CRTAM: variants seen among roughly 807,000 people sequenced by gnomAD.
CRTAM encodes the protein cytotoxic and regulatory T cell molecule, also known as cytotoxic and regulatory T-cell molecule.
A neutral mutation model predicts 50.0 loss-of-function variants in CRTAM; 44 were observed. The observed-to-expected ratio is 0.88, with a 90% CI of 0.69 to 1.13. The LOEUF is 1.13. CRTAM is among the 50% of genes most tolerant of loss of function. The probability of loss-of-function intolerance (pLI) is 0.00; values close to 1 mark genes in which losing one functional copy is unlikely to be tolerated. For synonymous variants in CRTAM, 159 were observed against 169.3 expected (o/e 0.94, Z 0.47); for missense variants, 448 against 457.5 (o/e 0.98, Z 0.19).
chr11:122,856,679 G>C (rs748307634), intron 5 of CRTAM, among the ~76,000 whole-genome samples: 1 of 152,220 alleles, frequency 6.6e-6, no homozygotes, highest in Non-Finnish European at 1.5e-5. Flanking sequence ...AGACGAAATC[G>C]CTGATGCTGA....
At chr11:122,859,218 C>T (rs768038719) in intron 5 of CRTAM, among the ~76,000 whole-genome samples, 3 of 152,228 alleles carry the variant, frequency 2.0e-5, no homozygotes, top group Middle Eastern at 3.4e-3. Flanking sequence ...CAGTGATTCT[C>T]CTGCCTCAGA....
At chr11:122,857,404 G>A (rs1262816585) in intron 5 of CRTAM, among the ~76,000 whole-genome samples, 1 of 152,250 alleles carries the variant, frequency 6.6e-6, no homozygotes, top group Non-Finnish European at 1.5e-5. Flanking sequence ...GAGAGGCGGA[G>A]TTTACAGTAA....
intron 4 of CRTAM, among the ~76,000 whole-genome samples, chr11:122,854,685 T>C (rs1007825046): frequency 7.3e-5 from 11 of 150,944 alleles, no homozygotes; most frequent in Admixed American, 6.0e-4. Flanking sequence ...AGAAGAAGTA[T>C]AATATCTGTG....
intron 3 of CRTAM, among the ~76,000 whole-genome samples, chr11:122,853,486 T>C (rs1487201916): frequency 6.6e-6 from 1 of 152,064 alleles, no homozygotes; most frequent in Non-Finnish European, 1.5e-5. Flanking sequence ...TGCAAGCACA[T>C]GAAAGCCCTT....
intron 1 of CRTAM, among the ~76,000 whole-genome samples, chr11:122,847,660 T>C (rs1222072323): frequency 3.9e-5 from 6 of 152,088 alleles, no homozygotes; most frequent in African/African-American, 1.4e-4. Context: ...CAAGTGAATG[T>C]CCCCCTATGC....
rs199952171 is a variant in CRTAM, at chr11:122,850,030, C to G, written c.47-38C>G. On this transcript the variant is annotated intron_variant, in intron 1 of 9. Coordinates refer to ENST00000227348, the MANE Select transcript of CRTAM (RefSeq NM_019604.4). ...GACAAAATCCCTGAGACACTGTGGA[C>G]CCCCGGCCTGATCATCCCCATTTCT... 1.4e-4 allele frequency: 216 copies of G among 1,544,808 alleles called. 2 individuals carry two copies. Among genetic ancestry groups the G allele is most frequent in the Non-Finnish European group, 2.5e-5 (28 of 1,138,082 alleles).
rs1862191797 is a variant in CRTAM at position 122,867,421 on chromosome 11, AG to A, written c.831del (p.Gln277HisfsTer3). The A allele has an allele frequency of 1.2e-6, 2 of 1,612,366 alleles. No homozygotes were observed. Among genetic ancestry groups the A allele is most frequent in the East Asian group, 2.2e-5 (1 of 44,844 alleles). ...ATTTTCCTTATAGAAGCAAATCCTC[AG>A]TATTTAGGACTGGCAAGAAAGAAAA... Reference protein sequence around the residue: ...DPDLTTEANPQYLGLARKKSG... With the variant: ...DPDLTTEANPXYLGLARKKSG... On this transcript the variant is annotated frameshift_variant, in exon 8 of 10. Transcript: ENST00000227348. LOFTEE classifies it high-confidence loss of function.
In CRTAM at chr11:122,850,088, A is replaced by G. The variant is rs1034850451; in HGVS notation, c.67A>G (p.Thr23Ala). The G allele has an allele frequency of 6.2e-7, 1 of 1,611,954 alleles. No individual in the cohort carries two copies. Among genetic ancestry groups the G allele is most frequent in the African/African-American group, 1.3e-5 (1 of 74,832 alleles). The change falls in exon 2 of 10, where the codon ACA (threonine) becomes GCA (alanine). Residue 23 changes from threonine (T) to alanine (A), a missense_variant. By Grantham distance (58) the Thr-to-Ala change is moderately conservative. Coordinates refer to ENST00000227348, the MANE Select transcript of CRTAM (RefSeq NM_019604.4). The stretch of plus-strand genomic sequence containing the variant: ...CACAGAGGCCTCTCTGACTAACCAC[A>G]CAGAAACCATCACCGTGGAGGAAGG... ...PLQEASLTNH[T>A]ETITVEEGQT...
At chr11:122,871,225 G>A in intron 9 of CRTAM, 44 bp from the exon 10 acceptor site, 1 of 1,564,686 alleles carries the variant, frequency 6.4e-7, no homozygotes. Context: ...TGGGTGCAAT[G>A]TTATTCAAAA....
intron 1 of CRTAM, among the ~76,000 whole-genome samples, chr11:122,844,229 GGTTAA>G (rs1565287054): frequency 1.3e-4 from 20 of 152,202 alleles, no homozygotes; most frequent in African/African-American, 4.3e-4. Context: ...ATGTTGTAAG[GGTTAA>G]ATTATACTAT....
At position 122,867,548 on chromosome 11, in the gene CRTAM, G is replaced by A. The variant is rs759287664; in HGVS notation, c.957G>A (p.Trp319Ter). 2.0e-5 allele frequency: 32 copies of A among 1,613,398 alleles called. No individual in the cohort carries two copies. The highest frequency in any genetic ancestry group is 2.7e-5 in the Non-Finnish European group (32 of 1,179,666). The change falls in exon 8 of 10, where the codon TGG (tryptophan) becomes TGA (stop). Residue 319 changes from tryptophan to a stop codon, truncating the protein, a stop_gained. Coordinates refer to ENST00000227348, the MANE Select transcript of CRTAM (RefSeq NM_019604.4). LOFTEE classifies it high-confidence loss of function. ...AGCTGAGGAAAGCACATGTGATATG[G>A]AAGAAAGGTCAGTGGGCAGGGAACC... Reference protein sequence around the residue: ...IMKLRKAHVIWKKENEVSEHT... With the variant: ...IMKLRKAHVI
intron 9 of CRTAM, among the ~76,000 whole-genome samples, chr11:122,868,988 G>A (rs986355675): frequency 2.0e-5 from 3 of 152,102 alleles, no homozygotes; most frequent in African/African-American, 7.2e-5. Context: ...CAACCTGGGT[G>A]ACAGAGAGGG....
At chr11:122,869,701 G>A (rs1397149875) in intron 9 of CRTAM, among the ~76,000 whole-genome samples, 1 of 152,184 alleles carries the variant, frequency 6.6e-6, no homozygotes, top group East Asian at 1.9e-4. Context: ...TGGTTTTACT[G>A]AGGTTTTTGT....
chr11:122,869,314 T>C (rs1290304124), intron 9 of CRTAM, among the ~76,000 whole-genome samples: 1 of 152,180 alleles, frequency 6.6e-6, no homozygotes, highest in Non-Finnish European at 1.5e-5. Flanking sequence ...CAATACTCCT[T>C]TAGGTGGTGA....
chr11:122,845,734 A>G (rs1861855387), intron 1 of CRTAM, among the ~76,000 whole-genome samples: 1 of 151,886 alleles, frequency 6.6e-6, no homozygotes, highest in Non-Finnish European at 1.5e-5. Context: ...AAAAGGAGGG[A>G]CATAGGGTAG....
Position 122,868,101 on chromosome 11 carries a change from T to G in CRTAM, c.1051+2T>G. Reference sequence around the variant, plus strand: ...CATCTGAAGAGAAAAATGGCCAATGTAAGTCAACTGTATGACCTGAGATCT... The same window carrying G: ...CATCTGAAGAGAAAAATGGCCAATGGAAGTCAACTGTATGACCTGAGATCT... On this transcript the variant is annotated splice_donor_variant, in intron 9 of 9. Coordinates refer to ENST00000227348, the MANE Select transcript of CRTAM (RefSeq NM_019604.4). LOFTEE classifies it high-confidence loss of function. 2.5e-6 allele frequency: 4 copies of G among 1,580,556 alleles called. No individual in the cohort carries two copies. The highest frequency in any genetic ancestry group is 3.5e-6 in the Non-Finnish European group (4 of 1,149,744).
rs74889971 is a variant in CRTAM, at chr11:122,855,577, G to A, written c.491-118G>A. ...AAGCCTATACAAGGGAACTGGCTGA[G>A]GTTAGAATGAGGTTAGAAATCTAAT... is the stretch of plus-strand genomic sequence containing the variant. On this transcript the variant is annotated intron_variant, in intron 4 of 9. Transcript: ENST00000227348. 7,598 of 797,120 alleles carry A rather than the reference G, an allele frequency of 9.5e-3. 50 individuals carry two copies. The highest frequency in any genetic ancestry group is 0.012 in the Non-Finnish European group (6,120 of 496,036). 49.4% of individuals were successfully genotyped at this position (797,120 alleles called of 1,614,324 possible).
At chr11:122,845,027 T>C (rs1187883504) in intron 1 of CRTAM, among the ~76,000 whole-genome samples, 1 of 152,164 alleles carries the variant, frequency 6.6e-6, no homozygotes, top group Non-Finnish European at 1.5e-5. Flanking sequence ...TGAGGCCAGA[T>C]GAGATGACCT....
At chr11:122,848,661 G>T (rs1042243778) in intron 1 of CRTAM, among the ~76,000 whole-genome samples, 6 of 152,150 alleles carry the variant, frequency 3.9e-5, no homozygotes, top group Admixed American at 3.9e-4. Context: ...GCTCTCCAAA[G>T]CACTTTTCCT....
Sources: allele counts gnomAD v4.1 joint callset (sites outside exome capture counted in the v4.1 genomes callset), GRCh38; gene constraint gnomAD v4.1.1; transcripts MANE v1.5; gene names NCBI Gene and HGNC (gene_info 2026-07-23, HGNC 2026-07-21).